ATP2B1: variants seen among roughly 807,000 people sequenced by gnomAD.
The protein encoded by ATP2B1 is plasma membrane calcium-transporting ATPase 1.
In ATP2B1, 14 loss-of-function variants were observed where a neutral mutation model predicts 124.2. The observed-to-expected ratio is 0.11, with a 90% CI of 0.07 to 0.18. The LOEUF (loss-of-function observed/expected upper bound fraction) is 0.18, where lower values mean the gene tolerates loss of function less well. ATP2B1 is among the 10% of genes least tolerant of loss of function. The pLI is 1.00. For missense variants in ATP2B1, 763 were observed against 1,466.1 expected, an observed-to-expected ratio of 0.52 and a Z score of 7.83; for synonymous variants, 449 against 492.4, an observed-to-expected ratio of 0.91 and a Z score of 1.17.
intron 12 of ATP2B1, among the ~76,000 whole-genome samples, chr12:89,613,662 T>G (rs1012388953): frequency 2.6e-5 from 4 of 152,206 alleles, no homozygotes; most frequent in Non-Finnish European, 4.4e-5. Context: ...TTAGGTAGTA[T>G]CCCAGGATCA....
At position 89,610,431 on chromosome 12, in the gene ATP2B1, T is replaced by C. The variant is rs1405974858; in HGVS notation, c.2325A>G (p.Thr775=). The part of the protein sequence containing the change: ...LARSSPTDKH[T]LVKGIIDSTV... ...GAAAAATCTACTTACCTTTAACCAGTGTATGCTTATCAGTAGGAGATGATC... is the reference window on the plus strand; with the variant it reads ...GAAAAATCTACTTACCTTTAACCAGCGTATGCTTATCAGTAGGAGATGATC... The change falls in exon 14 of 21, where the codon ACA becomes ACG. Residue 775 remains threonine (T), a synonymous_variant. Transcript: ENST00000428670. The C allele has an allele frequency of 1.2e-6, 2 of 1,613,558 alleles. No individual in the cohort carries two copies. The highest frequency in any genetic ancestry group is 2.2e-5 in the East Asian group (1 of 44,844).
chr12:89,625,961 T>G (rs1446592396), intron 8 of ATP2B1, among the ~76,000 whole-genome samples: 1 of 152,190 alleles, frequency 6.6e-6, no homozygotes, highest in East Asian at 1.9e-4. Context: ...AGCTCTGCTT[T>G]TTCCCTTAAA....
At chr12:89,606,033 G>A (rs546684152) in intron 15 of ATP2B1, among the ~76,000 whole-genome samples, 1 of 152,286 alleles carries the variant, frequency 6.6e-6, no homozygotes, top group South Asian at 2.1e-4. Context: ...AACATAAAAA[G>A]CTGTGTAAGG....
chr12:89,589,193 A>G lies in ATP2B1; in HGVS notation c.*1791T>C, dbSNP rs1156442472. 6.6e-6 allele frequency: 1 copy of G among 152,640 alleles called. No individual in the cohort carries two copies. The highest frequency in any genetic ancestry group is 1.5e-5 in the Non-Finnish European group (1 of 68,020). 9.5% of individuals were successfully genotyped at this position (152,640 alleles called of 1,614,324 possible). A position where few individuals can be genotyped will look rare whatever the true frequency, so the allele number is the denominator to read the frequency against. ...AAGATTTCCCCCACCCACCAAAAAT[A>G]TCAAGCACCATCAACTAAATGTTTC... is the stretch of plus-strand genomic sequence containing the variant. On this transcript the variant is annotated 3_prime_UTR_variant, in exon 21 of 21. Coordinates refer to ENST00000428670, the MANE Select transcript of ATP2B1 (RefSeq NM_001366521.1).
At chr12:89,640,365 GC>G (rs1883317924) in intron 3 of ATP2B1, among the ~76,000 whole-genome samples, 1 of 152,166 alleles carries the variant, frequency 6.6e-6, no homozygotes, top group South Asian at 2.1e-4. Flanking sequence ...AGGCAACTTT[GC>G]CCCCTATGGG....
intron 5 of ATP2B1, among the ~76,000 whole-genome samples, chr12:89,634,432 C>T (rs1367843123): frequency 6.6e-6 from 1 of 152,098 alleles, no homozygotes; most frequent in Non-Finnish European, 1.5e-5. Flanking sequence ...TTTTATACTT[C>T]AATAGGCATT....
intron 8 of ATP2B1, 145 bp downstream of exon 8, chr12:89,626,309 G>T: frequency 1.1e-6 from 1 of 881,006 alleles, no homozygotes; most frequent in Non-Finnish European, 1.7e-6. Flanking sequence ...AGGGCCTGGT[G>T]CATTGTAGCT....
At chr12:89,665,933 C>T (rs913744165) in intron 1 of ATP2B1, among the ~76,000 whole-genome samples, 1 of 152,174 alleles carries the variant, frequency 6.6e-6, no homozygotes, top group African/African-American at 2.4e-5. Flanking sequence ...TTAACATGAG[C>T]TTTCTGTTTT....
rs901111937 is a variant in ATP2B1, at chr12:89,588,348, C to T, written c.*2636G>A. The T allele has an allele frequency of 1.3e-5, 2 of 152,460 alleles. No individual in the cohort carries two copies. Among genetic ancestry groups the T allele is most frequent in the Non-Finnish European group, 2.9e-5 (2 of 67,978 alleles). The allele number at this position is 152,460 out of a possible 1,614,324, so 9.4% of individuals were successfully genotyped here. ...TGTAAGATGACAAGGAGTAACTCAT[C>T]TTCAAAGTGCAAGTAAGTCTATTTA... is the stretch of plus-strand genomic sequence containing the variant. On this transcript the variant is annotated 3_prime_UTR_variant, in exon 21 of 21. Transcript: ENST00000428670.
chr12:89,687,120 T>C (rs1184545673), intron 1 of ATP2B1, among the ~76,000 whole-genome samples: 1 of 152,100 alleles, frequency 6.6e-6, no homozygotes, highest in East Asian at 1.9e-4. Flanking sequence ...TGTTAGGTAT[T>C]ATAAGCAATC....
chr12:89,606,567 T>C (rs1183850201), intron 15 of ATP2B1, among the ~76,000 whole-genome samples: 1 of 125,148 alleles, frequency 8.0e-6, no homozygotes, highest in African/African-American at 3.0e-5. Context: ...ACTTTTAATG[T>C]CCCACTTTTT....
At chr12:89,703,361 G>T (rs1180091824) in intron 1 of ATP2B1, among the ~76,000 whole-genome samples, 1 of 152,164 alleles carries the variant, frequency 6.6e-6, no homozygotes, top group Non-Finnish European at 1.5e-5. Context: ...CTGTTTTAAT[G>T]CATAAAATAG....
intron 2 of ATP2B1, among the ~76,000 whole-genome samples, chr12:89,650,136 G>A (rs896953895): frequency 2.0e-5 from 3 of 152,140 alleles, no homozygotes; most frequent in Admixed American, 2.0e-4. Context: ...CGCAAACGGA[G>A]TAACACAGTC....
chr12:89,659,855 A>G (rs996822178), intron 1 of ATP2B1, among the ~76,000 whole-genome samples: 9 of 150,456 alleles, frequency 6.0e-5, no homozygotes, highest in Non-Finnish European at 7.4e-5. Context: ...CCCAGGAGGC[A>G]GAGCTTGCAG....
intron 1 of ATP2B1, among the ~76,000 whole-genome samples, chr12:89,688,036 A>C (rs1890158711): frequency 6.6e-6 from 1 of 152,010 alleles, no homozygotes; most frequent in Admixed American, 6.6e-5. Flanking sequence ...GGAGAAGAAA[A>C]TCAAGACCAC....
chr12:89,659,736 C>T (rs991099344), intron 1 of ATP2B1, among the ~76,000 whole-genome samples: 9 of 151,882 alleles, frequency 5.9e-5, no homozygotes, highest in Admixed American at 6.6e-5. Context: ...TTCTGGCTAA[C>T]ACGGTGAAAC....
At chr12:89,624,637 CTTA>C (rs1880530650) in intron 8 of ATP2B1, among the ~76,000 whole-genome samples, 1 of 152,146 alleles carries the variant, frequency 6.6e-6, no homozygotes, top group Non-Finnish European at 1.5e-5. Flanking sequence ...CTTTCTTAGA[CTTA>C]ATTATATCTT....
chr12:89,701,928 G>A (rs1054319000), intron 1 of ATP2B1, among the ~76,000 whole-genome samples: 2 of 152,116 alleles, frequency 1.3e-5, no homozygotes, highest in Non-Finnish European at 1.5e-5. Context: ...CTCTAAGACC[G>A]TCACACAGTG....
At chr12:89,683,385 T>A (rs148811486) in intron 1 of ATP2B1, among the ~76,000 whole-genome samples, 1 of 152,334 alleles carries the variant, frequency 6.6e-6, no homozygotes, top group East Asian at 1.9e-4. Flanking sequence ...CAGGTCAGCT[T>A]CTGTCTGACT....
Sources: allele counts gnomAD v4.1 joint callset (sites outside exome capture counted in the v4.1 genomes callset), GRCh38; gene constraint gnomAD v4.1.1; transcripts MANE v1.5; gene names NCBI Gene and HGNC (gene_info 2026-07-23, HGNC 2026-07-21).